HHIPL1: variants seen among roughly 807,000 people sequenced by gnomAD.
HHIPL1 encodes the protein HHIP-like protein 1.
In HHIPL1, 43 loss-of-function variants were observed where a neutral mutation model predicts 61.8. The ratio of observed to expected loss-of-function variants is 0.70; its 90% CI spans 0.55 to 0.90. The LOEUF is 0.90. Ranked by LOEUF, HHIPL1 falls within the 40% of genes least tolerant of loss-of-function variation. The pLI is 0.00. For missense variants in HHIPL1, 1,056 were observed against 1,157.7 expected, an observed-to-expected ratio of 0.91 and a Z score of 1.28; for synonymous variants, 482 against 515.8, an observed-to-expected ratio of 0.93 and a Z score of 0.89.
intron 5 of HHIPL1, 89 bp from the exon 6 acceptor site, chr14:99,662,787 A>C: frequency 9.3e-7 from 1 of 1,069,550 alleles, no homozygotes; most frequent in South Asian, 1.7e-5. Flanking sequence ...GAATGGATAC[A>C]TGGATGGATG....
At chr14:99,667,803 C>T (rs1420735709) in intron 6 of HHIPL1, among the ~76,000 whole-genome samples, 1 of 152,224 alleles carries the variant, frequency 6.6e-6, no homozygotes, top group Admixed American at 6.5e-5. Context: ...AGCTGAGGCT[C>T]AGAGAGCCAC....
In HHIPL1 at chr14:99,675,140, C is replaced by A; in HGVS notation, c.1863C>A (p.Pro621=). The change falls in exon 9 of 9, where the codon CCC becomes CCA. Residue 621 remains proline (P), a synonymous_variant. Coordinates refer to ENST00000330710, the MANE Select transcript of HHIPL1 (RefSeq NM_001127258.3). The surrounding 1 kb of genome is among the most constrained non-coding windows in gnomAD (Gnocchi z 5.4). ...RSTPRPTARA[P]TRAPRRGRPT... ...CCCCGCGGCCTACAGCGCGGGCGCC[C>A]ACGCGGGCGCCCCGCCGAGGGCGCC... 1.3e-5 allele frequency: 14 copies of A among 1,116,658 alleles called. No individual in the cohort carries two copies. The highest frequency in any genetic ancestry group is 1.5e-5 in the Non-Finnish European group (14 of 906,552). 69.2% of individuals were successfully genotyped at this position (1,116,658 alleles called of 1,614,324 possible).
At chr14:99,662,846 C>A in intron 5 of HHIPL1, 30 bp from the exon 6 acceptor site, 1 of 1,549,024 alleles carries the variant, frequency 6.5e-7, no homozygotes, top group Non-Finnish European at 8.7e-7. Flanking sequence ...CCATGCCAGG[C>A]ATGGCCTCAC....
the HHIPL1 span, among the ~76,000 whole-genome samples, chr14:99,626,267 G>GTGTGTGTGTGTGTGTGTGTGT: frequency 8.1e-4 from 119 of 147,572 alleles, 1 homozygote; most frequent in African/African-American, 2.8e-3. Flanking sequence ...GGTGTAGCGG[G>GTGTGTGTGTGTGTGTGTGTGT]GTGTGTGTGT....
intron 5 of HHIPL1, among the ~76,000 whole-genome samples, chr14:99,662,167 C>T (rs568539790): frequency 1.1e-4 from 16 of 152,236 alleles, no homozygotes; most frequent in African/African-American, 3.4e-4. Context: ...TAGGACCCCT[C>T]GTACCCGAGC....
rs2055956257 is a variant in HHIPL1 at position 99,652,663 on chromosome 14, T to C, written c.695T>C (p.Phe232Ser). 2 of 1,613,770 alleles carry C rather than the reference T, an allele frequency of 1.2e-6. No individual in the cohort carries two copies. Among genetic ancestry groups the C allele is most frequent in the South Asian group, 2.2e-5 (2 of 91,070 alleles). The change falls in exon 2 of 9, where the codon TTC (phenylalanine) becomes TCC (serine). Residue 232 changes from phenylalanine (F) to serine (S), a missense_variant. Phe to Ser is a radical substitution (Grantham distance 155). Coordinates refer to ENST00000330710, the MANE Select transcript of HHIPL1 (RefSeq NM_001127258.3). ...LPDRSRLGKP[F>S]LNISRVVLTS... ...GACCGCTCGAGGCTGGGGAAGCCTT[T>C]CCTGAACATCAGCCGGGTGGTGCTC...
chr14:99,675,455 G>A lies in HHIPL1; in HGVS notation c.2178G>A (p.Lys726=), dbSNP rs1236039581. Residue 726 remains lysine (K), a synonymous_variant, in exon 9 of 9, where the codon AAG becomes AAA. Coordinates refer to ENST00000330710, the MANE Select transcript of HHIPL1 (RefSeq NM_001127258.3). This position sits in a 1 kb window ranked among gnomAD's most constrained non-coding sequence, Gnocchi z 5.4. ...LGFAYAVRAV[K]RAEFGQGGSL... is the part of the protein sequence containing the mutation. The stretch of plus-strand genomic sequence containing the variant: ...TTGCCTACGCCGTGCGCGCCGTCAA[G>A]AGAGCCGAGTTCGGCCAGGGCGGCT... The A allele has an allele frequency of 1.3e-6, 2 of 1,539,594 alleles. No homozygotes were observed. Among genetic ancestry groups the A allele is most frequent in the Non-Finnish European group, 1.7e-6 (2 of 1,146,068 alleles).
At chr14:99,643,697 G>A (rs1334166180), upstream of HHIPL1, among the ~76,000 whole-genome samples, 10 of 152,212 alleles carry the variant, frequency 6.6e-5, no homozygotes, top group Admixed American at 1.3e-4. Flanking sequence ...GTTGCAGGCC[G>A]CATTTCCCAC....
At chr14:99,606,492 G>A in the HHIPL1 span, among the ~76,000 whole-genome samples, 1 of 152,246 alleles carries the variant, frequency 6.6e-6, no homozygotes, top group Non-Finnish European at 1.5e-5. Context: ...GCTCACCAGG[G>A]AAGTTGCTGA....
intron 5 of HHIPL1, 61 bp from the exon 6 acceptor site, chr14:99,662,815 G>C (rs771988120): frequency 9.2e-5 from 135 of 1,461,274 alleles, no homozygotes; most frequent in Non-Finnish European, 1.2e-4. Flanking sequence ...GGATGGATTG[G>C]TGGGTAGGTT....
At chr14:99,611,869 G>T in the HHIPL1 span, among the ~76,000 whole-genome samples, 1 of 152,220 alleles carries the variant, frequency 6.6e-6, no homozygotes, top group African/African-American at 2.4e-5. Context: ...GTACACACAG[G>T]TTGGCTAGAC....
At chr14:99,671,809 C>T (rs1277186986) in intron 7 of HHIPL1, among the ~76,000 whole-genome samples, 4 of 152,154 alleles carry the variant, frequency 2.6e-5, no homozygotes, top group Admixed American at 1.3e-4. Flanking sequence ...TTACCACCCC[C>T]GCCGCCCCCG....
At chr14:99,659,278 G>T in intron 3 of HHIPL1, 150 bp from the exon 4 acceptor site, 1 of 559,708 alleles carries the variant, frequency 1.8e-6, no homozygotes, top group East Asian at 3.5e-5. Flanking sequence ...AGTTAAGGCG[G>T]ACAGCATCCC....
rs927850047 is a variant in HHIPL1 at position 99,660,742 on chromosome 14, G to T, written c.1502+336G>T. The stretch of plus-strand genomic sequence containing the variant: ...TGACAGCAGTTCTGATGGGCAGGAG[G>T]GCAGAATATGAACAATTTCCTGGAC... On this transcript the variant is annotated intron_variant, in intron 5 of 8. Transcript: ENST00000330710. This position sits in a 1 kb window ranked among gnomAD's most constrained non-coding sequence, Gnocchi z 4.9. 8.5e-5 allele frequency among the ~76,000 whole-genome samples: 13 copies of T among 152,168 alleles called. No individual in the cohort carries two copies. The highest frequency in any genetic ancestry group is 2.7e-4 in the African/African-American group (11 of 41,438).
intron 3 of HHIPL1, 85 bp from the exon 4 acceptor site, chr14:99,659,343 C>A: frequency 1.8e-6 from 2 of 1,127,042 alleles, no homozygotes; most frequent in Non-Finnish European, 2.4e-6. Context: ...AGCGGTCAGC[C>A]GGCGCCCCAG....
At chr14:99,671,328 A>C (rs900069149) in intron 7 of HHIPL1, among the ~76,000 whole-genome samples, 18 of 152,214 alleles carry the variant, frequency 1.2e-4, no homozygotes, top group African/African-American at 3.9e-4. Context: ...CAAAAGCCCC[A>C]CTGGGTCTGT....
chr14:99,620,699 G>A, the HHIPL1 span, among the ~76,000 whole-genome samples: 1 of 152,242 alleles, frequency 6.6e-6, no homozygotes, highest in Non-Finnish European at 1.5e-5. Flanking sequence ...CCACAGGAAG[G>A]AGGGGTCTTG....
Position 99,660,251 on chromosome 14 carries a change from C to G in HHIPL1, c.1376-29C>G. On this transcript the variant is annotated intron_variant, in intron 4 of 8. Transcript: ENST00000330710. This position sits in a 1 kb window ranked among gnomAD's most constrained non-coding sequence, Gnocchi z 4.9. Reference sequence around the variant, plus strand: ...GATGAACCTTCCCGCCGCTGGCTCACCGAAGCTTCTCTCCCTCCCACCCCG... The same window carrying G: ...GATGAACCTTCCCGCCGCTGGCTCAGCGAAGCTTCTCTCCCTCCCACCCCG... 6.2e-7 allele frequency: 1 copy of G among 1,613,624 alleles called. No individual in the cohort carries two copies. Among genetic ancestry groups the G allele is most frequent in the South Asian group, 1.1e-5 (1 of 91,066 alleles).
At chr14:99,613,122 C>T in the HHIPL1 span, among the ~76,000 whole-genome samples, 10 of 152,158 alleles carry the variant, frequency 6.6e-5, no homozygotes, top group African/African-American at 2.2e-4. Flanking sequence ...CAGGCCTTGT[C>T]GTGACCTGCC....
Sources: allele counts gnomAD v4.1 joint callset (sites outside exome capture counted in the v4.1 genomes callset), GRCh38; gene constraint gnomAD v4.1.1; non-coding constraint Gnocchi (gnomAD v3.1); transcripts MANE v1.5; gene names NCBI Gene and HGNC (gene_info 2026-07-23, HGNC 2026-07-21).